Variants in ATL3 observed in about 807,000 individuals in gnomAD.
ATL3 encodes atlastin-3.
In ATL3, 49 loss-of-function variants were observed where a neutral mutation model predicts 69.5. The ratio of observed to expected loss-of-function variants is 0.71; its 90% CI spans 0.56 to 0.89. The LOEUF is 0.89. ATL3 is among the 40% of genes least tolerant of loss of function. The probability of loss-of-function intolerance (pLI) is 0.00; values close to 1 mark genes in which losing one functional copy is unlikely to be tolerated. For missense variants in ATL3, 606 were observed against 645.7 expected, an observed-to-expected ratio of 0.94 and a Z score of 0.67; for synonymous variants, 214 against 224.1, an observed-to-expected ratio of 0.95 and a Z score of 0.40.
chr11:63,660,993 C>A (rs1052508339), intron 1 of ATL3, among the ~76,000 whole-genome samples: 1 of 151,652 alleles, frequency 6.6e-6, no homozygotes, highest in African/African-American at 2.4e-5. Context: ...GCAAGCTGAT[C>A]ACTTGAGGTC....
intron 1 of ATL3, among the ~76,000 whole-genome samples, chr11:63,665,371 G>T (rs916311830): frequency 2.0e-5 from 3 of 150,418 alleles, no homozygotes; most frequent in African/African-American, 4.9e-5. Flanking sequence ...AAAGAAGAAT[G>T]TATACAGTTG....
At chr11:63,658,712 A>G (rs1320891177) in intron 3 of ATL3, 49 bp downstream of exon 3, 22 of 1,548,684 alleles carry the variant, frequency 1.4e-5, no homozygotes, top group Admixed American at 2.1e-5. Context: ...GCTGAAGTTC[A>G]TATTTTGTTG....
chr11:63,661,980 G>C (rs1200019720), intron 1 of ATL3, among the ~76,000 whole-genome samples: 1 of 151,984 alleles, frequency 6.6e-6, no homozygotes, highest in Non-Finnish European at 1.5e-5. Context: ...TGGGGGCCAA[G>C]GCAGGCGTGT....
chr11:63,644,095 A>G lies in ATL3; in HGVS notation c.711+74T>C, dbSNP rs936280641. On this transcript the variant is annotated intron_variant, in intron 7 of 12. Coordinates refer to ENST00000398868, the MANE Select transcript of ATL3 (RefSeq NM_015459.5). ...ATCATTTTCAATAATTGCTTTAAACACAATAGCCAAAAGCAAATGAGAAAG... is the reference window on the plus strand; with the variant it reads ...ATCATTTTCAATAATTGCTTTAAACGCAATAGCCAAAAGCAAATGAGAAAG... The G allele has an allele frequency of 1.2e-4, 116 of 975,012 alleles. 2 individuals carry two copies. In the Admixed American group the frequency reaches 2.5e-3, roughly 21 times the overall value. The allele number at this position is 975,012 out of a possible 1,614,324, so 60.4% of individuals were successfully genotyped here.
chr11:63,624,493 A>G lies in ATL3; in HGVS notation c.*4826T>C, dbSNP rs1399672669. 6.6e-6 allele frequency: 1 copy of G among 152,156 alleles called. No individual in the cohort carries two copies. The highest frequency in any genetic ancestry group is 1.5e-5 in the Non-Finnish European group (1 of 68,036). The allele number at this position is 152,156 out of a possible 1,614,324, so 9.4% of individuals were successfully genotyped here. On this transcript the variant is annotated 3_prime_UTR_variant, in exon 13 of 13. Transcript: ENST00000398868. ...CTAGATCTGTTTTGCAAAGTTTCTG[A>G]TATGGGGTACTTAGGTCACTAATGA...
chr11:63,643,414 A>T lies in ATL3; in HGVS notation c.793T>A (p.Leu265Ile), dbSNP rs754372725. The change falls in exon 8 of 13, where the codon TTA (leucine) becomes ATA (isoleucine). Residue 265 changes from leucine to isoleucine, a missense_variant. Physicochemically the swap from Leu to Ile is conservative, Grantham distance 5 (BLOSUM62 2). Transcript: ENST00000398868. ...GCCACCTGGAGTCCTGGATGTGGTA[A>T]GAGAAAGCAGGTGACATCGGAGAAA... ...SCFSDVTCFL[L>I]PHPGLQVATS... 1 of 1,611,740 alleles carries T rather than the reference A, an allele frequency of 6.2e-7. No individual in the cohort carries two copies. The highest frequency in any genetic ancestry group is 8.5e-7 in the Non-Finnish European group (1 of 1,178,866).
chr11:63,669,010 TGGG>T (rs1565286343), intron 1 of ATL3, among the ~76,000 whole-genome samples: 52 of 102,510 alleles, frequency 5.1e-4, no homozygotes, highest in African/African-American at 1.8e-3. Context: ...AATTTTTTTT[TGGG>T]TGGGGGGGGG....
At chr11:63,629,426 A>C in intron 12 of ATL3, 21 bp from the exon 13 acceptor site, 2 of 1,601,472 alleles carry the variant, frequency 1.2e-6, no homozygotes, top group Non-Finnish European at 8.6e-7. Flanking sequence ...CCATTTATTC[A>C]ACATATAAGT....
upstream of ATL3, chr11:63,671,508 C>G (rs1332601240): frequency 6.9e-7 from 1 of 1,442,342 alleles, no homozygotes; most frequent in Non-Finnish European, 9.1e-7. Flanking sequence ...GCGCGGTCTG[C>G]GTGGCCCAAC....
Position 63,625,432 on chromosome 11 carries a change from T to A in ATL3, c.*3887A>T, listed in dbSNP as rs892735857. 1 of 152,156 alleles carries A rather than the reference T, an allele frequency of 6.6e-6. No individual in the cohort carries two copies. The highest frequency in any genetic ancestry group is 1.9e-4 in the East Asian group (1 of 5,194). 9.4% of individuals were successfully genotyped at this position (152,156 alleles called of 1,614,324 possible). On this transcript the variant is annotated 3_prime_UTR_variant, in exon 13 of 13. Transcript: ENST00000398868. ...AAGAACCTAGCAAAAAATTAAAAAC[T>A]GTTTTATTAAAGTTTTAATTTTTAA... is the stretch of plus-strand genomic sequence containing the variant.
At chr11:63,636,060 G>A (rs1316624910) in intron 9 of ATL3, 147 bp downstream of exon 9, 1 of 981,034 alleles carries the variant, frequency 1.0e-6, no homozygotes, top group Non-Finnish European at 1.5e-6. Flanking sequence ...GCCCACTCCT[G>A]GAAGGACACC....
At chr11:63,632,228 C>T (rs542082014) in intron 11 of ATL3, 2 of 683,104 alleles carry the variant, frequency 2.9e-6, no homozygotes, top group South Asian at 1.5e-5. Context: ...AACTATGCTT[C>T]GTGGTGCTCT....
chr11:63,628,394 A>G lies in ATL3; in HGVS notation c.*925T>C, dbSNP rs1939189272. On this transcript the variant is annotated 3_prime_UTR_variant, in exon 13 of 13. Coordinates refer to ENST00000398868, the MANE Select transcript of ATL3 (RefSeq NM_015459.5). ...GGGTAAAAACCTCACATTTCAGAGT[A>G]TGGTATATTTAAATATGACATGATT... The G allele has an allele frequency of 6.6e-6, 1 of 151,934 alleles. No homozygotes were observed. The highest frequency in any genetic ancestry group is 1.5e-5 in the Non-Finnish European group (1 of 68,006). 9.4% of individuals were successfully genotyped at this position (151,934 alleles called of 1,614,324 possible).
At position 63,631,486 on chromosome 11, in the gene ATL3, G is replaced by C; in HGVS notation, c.1108-15C>G. On this transcript the variant is annotated splice_polypyrimidine_tract_variant and intron_variant, in intron 11 of 12. Coordinates refer to ENST00000398868, the MANE Select transcript of ATL3 (RefSeq NM_015459.5). ...CCCCCACAAACCTAAAAAGAACAAAGAAACAATATGTTAAAAGATCTCTTC... is the reference window on the plus strand; with the variant it reads ...CCCCCACAAACCTAAAAAGAACAAACAAACAATATGTTAAAAGATCTCTTC... 1.9e-6 allele frequency: 3 copies of C among 1,569,920 alleles called. No homozygotes were observed. Among genetic ancestry groups the C allele is most frequent in the Non-Finnish European group, 2.6e-6 (3 of 1,161,248 alleles).
intron 3 of ATL3, among the ~76,000 whole-genome samples, chr11:63,657,944 C>T (rs1940308530): frequency 6.7e-6 from 1 of 150,116 alleles, no homozygotes; most frequent in Admixed American, 6.6e-5. Flanking sequence ...GCAACCTCTG[C>T]CTCCCGGGTT....
intron 3 of ATL3, 54 bp from the exon 4 acceptor site, chr11:63,652,629 G>A (rs1177499516): frequency 1.9e-5 from 25 of 1,349,276 alleles, no homozygotes; most frequent in South Asian, 8.6e-5. Context: ...GGAGGAAACC[G>A]TAAAGGAGAA....
chr11:63,671,826 G>T, upstream of ATL3: 1 of 963,550 alleles, frequency 1.0e-6, no homozygotes. Context: ...CCTGCGAGCT[G>T]CGGCCGGCGC....
chr11:63,667,598 C>T (rs992883273), intron 1 of ATL3, among the ~76,000 whole-genome samples: 12 of 151,916 alleles, frequency 7.9e-5, no homozygotes, highest in Admixed American at 7.2e-4. Flanking sequence ...CCTGACTCTA[C>T]TGAAAATTCA....
intron 7 of ATL3, 55 bp from the exon 8 acceptor site, chr11:63,643,550 A>G: frequency 2.0e-6 from 3 of 1,525,270 alleles, no homozygotes; most frequent in Non-Finnish European, 2.7e-6. Context: ...TTTCTTCACT[A>G]GGGACAACTA....
Sources: gnomAD v4.1 joint callset for allele counts (sites outside exome capture counted in the v4.1 genomes callset) on GRCh38, gnomAD v4.1.1 for gene constraint, MANE v1.5 for transcripts, NCBI Gene and HGNC (gene_info 2026-07-23, HGNC 2026-07-21) for gene names.